KIF16B: variants seen among roughly 807,000 people sequenced by gnomAD.
KIF16B encodes the protein kinesin family member 16B, also known as kinesin-like protein KIF16B.
Under a neutral mutation model 156.3 loss-of-function variants are expected in KIF16B, and 98 were observed. That is an observed-to-expected ratio of 0.63 (90% CI 0.53 to 0.74). The LOEUF (loss-of-function observed/expected upper bound fraction) is 0.74, where lower values mean the gene tolerates loss of function less well. KIF16B is among the 30% of genes least tolerant of loss of function. The pLI is 0.00. For synonymous variants in KIF16B, 564 were observed against 583.7 expected (o/e 0.97, Z 0.49); for missense variants, 1,421 against 1,606.5 (o/e 0.88, Z 1.97).
At chr20:16,530,732 G>A (rs375173707) in intron 1 of KIF16B, among the ~76,000 whole-genome samples, 6 of 151,854 alleles carry the variant, frequency 4.0e-5, no homozygotes, top group African/African-American at 7.3e-5. Flanking sequence ...ACAGGGTTTC[G>A]CTCCTGCCAC....
chr20:16,373,645 CCTT>C (rs1192183667), intron 20 of KIF16B, among the ~76,000 whole-genome samples: 8 of 152,152 alleles, frequency 5.3e-5, no homozygotes, highest in African/African-American at 1.4e-4. Context: ...AACACAAGGT[CCTT>C]CTTCTTGGTA....
chr20:16,474,537 C>T (rs1054634811), intron 12 of KIF16B, among the ~76,000 whole-genome samples: 3 of 152,158 alleles, frequency 2.0e-5, no homozygotes, highest in African/African-American at 7.2e-5. Context: ...GCCTTCCTTG[C>T]AAGCAAGAAG....
chr20:16,500,315 T>C (rs1337582555), intron 10 of KIF16B, among the ~76,000 whole-genome samples: 1 of 152,214 alleles, frequency 6.6e-6, no homozygotes, highest in African/African-American at 2.4e-5. Flanking sequence ...TTCACGTCCT[T>C]TGCCCCCTTT....
chr20:16,441,515 G>A (rs1006374499), intron 12 of KIF16B, among the ~76,000 whole-genome samples: 9 of 152,028 alleles, frequency 5.9e-5, no homozygotes, highest in African/African-American at 1.7e-4. Flanking sequence ...TGTTTCTCCC[G>A]CTAGACCAAG....
intron 22 of KIF16B, chr20:16,367,387 A>C (rs2064695299): frequency 2.5e-6 from 4 of 1,612,780 alleles, no homozygotes; most frequent in South Asian, 1.1e-5. Context: ...TGGAACAACA[A>C]CACACCTGAA....
chr20:16,431,389 ATCT>A (rs1201054178), intron 12 of KIF16B, among the ~76,000 whole-genome samples: 1 of 152,044 alleles, frequency 6.6e-6, no homozygotes, highest in African/African-American at 2.4e-5. Context: ...ACTCACTCTC[ATCT>A]TCTGCCGCTC....
intron 1 of KIF16B, among the ~76,000 whole-genome samples, chr20:16,559,827 T>G (rs1339449640): frequency 6.6e-6 from 1 of 152,150 alleles, no homozygotes; most frequent in Non-Finnish European, 1.5e-5. Flanking sequence ...TTTGTTATCT[T>G]GGACTGGATC....
At chr20:16,374,927 G>A (rs1406053610) in intron 19 of KIF16B, among the ~76,000 whole-genome samples, 1 of 152,210 alleles carries the variant, frequency 6.6e-6, no homozygotes, top group African/African-American at 2.4e-5. Flanking sequence ...GATTATCTAA[G>A]TGCAGAAAGC....
intron 23 of KIF16B, among the ~76,000 whole-genome samples, chr20:16,354,978 G>A (rs1451901045): frequency 6.6e-6 from 1 of 151,120 alleles, no homozygotes; most frequent in African/African-American, 2.4e-5. Context: ...CAACACACAG[G>A]CATCATGCTT....
intron 6 of KIF16B, among the ~76,000 whole-genome samples, chr20:16,510,547 G>A (rs1411609974): frequency 6.6e-6 from 1 of 152,120 alleles, no homozygotes; most frequent in Non-Finnish European, 1.5e-5. Flanking sequence ...CTACTGGGGA[G>A]GCTGAGGCAG....
intron 1 of KIF16B, among the ~76,000 whole-genome samples, chr20:16,550,806 C>T (rs2070619373): frequency 2.0e-5 from 3 of 152,104 alleles, no homozygotes; most frequent in Non-Finnish European, 4.4e-5. Context: ...CCTGGGATTA[C>T]AGGCATGAGC....
At chr20:16,391,884 G>A (rs151324496) in intron 17 of KIF16B, among the ~76,000 whole-genome samples, 5 of 152,306 alleles carry the variant, frequency 3.3e-5, no homozygotes, top group Non-Finnish European at 7.4e-5. Flanking sequence ...CTTTCTGTAA[G>A]GCACAGAGTA....
chr20:16,349,667 C>T (rs2064297504), intron 23 of KIF16B, among the ~76,000 whole-genome samples: 1 of 152,246 alleles, frequency 6.6e-6, no homozygotes, highest in African/African-American at 2.4e-5. Flanking sequence ...GCACCTGCTG[C>T]CTCGGGTTAA....
chr20:16,345,325 T>A (rs1479556878), intron 23 of KIF16B, among the ~76,000 whole-genome samples: 2 of 152,212 alleles, frequency 1.3e-5, no homozygotes, highest in Non-Finnish European at 2.9e-5. Context: ...ATATTACAGG[T>A]ACCAAATATT....
rs769082425 is a variant in KIF16B, at chr20:16,504,374, G to C, written c.1174C>G (p.Gln392Glu). The C allele has an allele frequency of 6.2e-7, 1 of 1,613,662 alleles. No homozygotes were observed. The highest frequency in any genetic ancestry group is 1.1e-5 in the South Asian group (1 of 91,008). The stretch of plus-strand genomic sequence containing the variant: ...CATAAATCTCAGAAAAACCCAACCT[G>C]ATTCCCTTGAGCAAGCAGCGTTTTC... ...RLKTLLAQGN[Q>E]IALLDSPTAL... is the part of the protein sequence containing the mutation. The change falls in exon 10 of 26, where the codon CAG becomes GAG. Residue 392 changes from glutamine to glutamate, a missense_variant and splice_region_variant. By Grantham distance (29) the Gln-to-Glu change is conservative. Transcript: ENST00000354981.
intron 25 of KIF16B, among the ~76,000 whole-genome samples, chr20:16,274,355 G>A (rs931307888): frequency 6.6e-6 from 1 of 152,172 alleles, no homozygotes; most frequent in Non-Finnish European, 1.5e-5. Context: ...TTTTGGCACT[G>A]AGAAAGCAAA....
intron 5 of KIF16B, 97 bp downstream of exon 5, chr20:16,512,729 A>G: frequency 2.7e-6 from 2 of 734,068 alleles, no homozygotes; most frequent in Middle Eastern, 2.8e-4. Flanking sequence ...TTCTTTAGGA[A>G]TCTAAAGACC....
At chr20:16,413,059 C>T (rs1293889659) in intron 15 of KIF16B, among the ~76,000 whole-genome samples, 1 of 151,948 alleles carries the variant, frequency 6.6e-6, no homozygotes, top group African/African-American at 2.4e-5. Flanking sequence ...TCTAAGATTC[C>T]TTCCAGATCT....
At chr20:16,545,459 G>A (rs888588838) in intron 1 of KIF16B, among the ~76,000 whole-genome samples, 1 of 152,022 alleles carries the variant, frequency 6.6e-6, no homozygotes, top group African/African-American at 2.4e-5. Context: ...GAGGTCAGGA[G>A]CTTGAGACCA....
Sources: gnomAD v4.1 joint callset for allele counts (sites outside exome capture counted in the v4.1 genomes callset) on GRCh38, gnomAD v4.1.1 for gene constraint, MANE v1.5 for transcripts, NCBI Gene and HGNC (gene_info 2026-07-23, HGNC 2026-07-21) for gene names.